The following RBMS3 variants were observed in gnomAD, a reference collection of about 807,000 sequenced individuals.
The protein encoded by RBMS3 is RNA binding motif single stranded interacting protein 3, also known as RNA-binding motif, single-stranded-interacting protein 3.
RBMS3 carries 27 observed loss-of-function variants against 66.8 expected under a neutral mutation model. The observed-to-expected ratio is 0.40, with a 90% CI of 0.30 to 0.56. The LOEUF is 0.56. Among genes scored for constraint, RBMS3 ranks in the 20% least tolerant of loss-of-function variants. RBMS3 has a pLI of 0.40. For missense variants in RBMS3, 513 were observed against 549.5 expected, an observed-to-expected ratio of 0.93 and a Z score of 0.66; for synonymous variants, 188 against 183.0, an observed-to-expected ratio of 1.03 and a Z score of -0.22.
intron 12 of RBMS3, among the ~76,000 whole-genome samples, chr3:29,983,033 T>C (rs1425887473): frequency 6.6e-6 from 1 of 152,160 alleles, no homozygotes; most frequent in Non-Finnish European, 1.5e-5. Flanking sequence ...TATTATGGTG[T>C]GGGAGTCTAA....
chr3:29,685,127 C>T (rs1457276491), intron 4 of RBMS3, among the ~76,000 whole-genome samples: 12 of 152,058 alleles, frequency 7.9e-5, no homozygotes, highest in Non-Finnish European at 1.6e-4. Flanking sequence ...GGCGCGATCT[C>T]GGCTCACTGC....
chr3:29,732,628 C>T (rs867734392), intron 4 of RBMS3, among the ~76,000 whole-genome samples: 6 of 152,070 alleles, frequency 3.9e-5, no homozygotes, highest in South Asian at 2.1e-4. Context: ...CATCTTTGTT[C>T]GAATTAGTGT....
intron 2 of RBMS3, among the ~76,000 whole-genome samples, chr3:29,466,089 A>G (rs572282802): frequency 1.3e-5 from 2 of 152,144 alleles, no homozygotes; most frequent in Non-Finnish European, 2.9e-5. Context: ...TCAAAATTCA[A>G]TATGAATGCC....
At chr3:30,001,464 A>C (rs1247298751) in intron 14 of RBMS3, among the ~76,000 whole-genome samples, 1 of 152,012 alleles carries the variant, frequency 6.6e-6, no homozygotes, top group Non-Finnish European at 1.5e-5. Context: ...TCTTAAATTC[A>C]GTGAAATTCC....
intron 2 of RBMS3, among the ~76,000 whole-genome samples, chr3:29,461,440 C>A (rs1196860369): frequency 6.6e-6 from 1 of 152,194 alleles, no homozygotes; most frequent in Non-Finnish European, 1.5e-5. Context: ...GTTCAGACAA[C>A]AAAAACAAAG....
chr3:29,326,733 C>CTTTTTTTT (rs56162153), intron 1 of RBMS3, among the ~76,000 whole-genome samples: 2 of 133,796 alleles, frequency 1.5e-5, no homozygotes, highest in Non-Finnish European at 3.2e-5. Context: ...TACTGGCATC[C>CTTTTTTTT]TTTTTTTTTT....
intron 6 of RBMS3, among the ~76,000 whole-genome samples, chr3:29,829,877 T>TC: frequency 6.6e-6 from 1 of 152,154 alleles, no homozygotes; most frequent in Non-Finnish European, 1.5e-5. Flanking sequence ...GCAGTCCCAT[T>TC]TCTCATGCAT....
At chr3:29,635,102 T>C (rs2049426757) in intron 4 of RBMS3, among the ~76,000 whole-genome samples, 1 of 151,978 alleles carries the variant, frequency 6.6e-6, no homozygotes, top group Non-Finnish European at 1.5e-5. Flanking sequence ...CAGAGGTTTC[T>C]GCATTCACTA....
At chr3:29,327,799 T>A (rs1452341133) in intron 1 of RBMS3, among the ~76,000 whole-genome samples, 1 of 152,158 alleles carries the variant, frequency 6.6e-6, no homozygotes, top group African/African-American at 2.4e-5. Context: ...TAGGTCCTAA[T>A]AAAAGCTTGT....
chr3:29,961,560 A>G (rs1161078786), intron 12 of RBMS3, among the ~76,000 whole-genome samples: 1 of 152,162 alleles, frequency 6.6e-6, no homozygotes, highest in Non-Finnish European at 1.5e-5. Flanking sequence ...TTATAAAGGA[A>G]AAAGGTTTAA....
At chr3:29,413,483 G>A (rs1312540602) in intron 1 of RBMS3, among the ~76,000 whole-genome samples, 1 of 152,064 alleles carries the variant, frequency 6.6e-6, no homozygotes, top group Non-Finnish European at 1.5e-5. Flanking sequence ...AGGAATACCA[G>A]ATAATGATGT....
rs918725639 is a variant in RBMS3, at chr3:30,007,571, G to A, written c.*3709G>A. 9 of 152,052 alleles carry A rather than the reference G, an allele frequency of 5.9e-5. No homozygotes were observed. The highest frequency in any genetic ancestry group is 1.9e-4 in the African/African-American group (8 of 41,430). 9.4% of individuals were successfully genotyped at this position (152,052 alleles called of 1,614,324 possible). A position where few individuals can be genotyped will look rare whatever the true frequency, so the allele number is the denominator to read the frequency against. On this transcript the variant is annotated 3_prime_UTR_variant, in exon 15 of 15. Transcript: ENST00000383767. ...ATGGTATTGTCAAGGGAGGCAAAGT[G>A]TTCATGGTAACTTGGAGCTCCCCAA...
At chr3:29,558,307 GA>G (rs2046428378) in intron 3 of RBMS3, among the ~76,000 whole-genome samples, 1 of 151,852 alleles carries the variant, frequency 6.6e-6, no homozygotes, top group South Asian at 2.1e-4. Flanking sequence ...TGCAATTGAA[GA>G]AAACTGTCCT....
chr3:29,860,043 C>G (rs1222820819), intron 6 of RBMS3, among the ~76,000 whole-genome samples: 3 of 152,168 alleles, frequency 2.0e-5, no homozygotes, highest in African/African-American at 7.2e-5. Flanking sequence ...ATATGACAAA[C>G]AAAATAGTGT....
At chr3:29,454,224 C>T (rs1039854445) in intron 2 of RBMS3, among the ~76,000 whole-genome samples, 1 of 152,186 alleles carries the variant, frequency 6.6e-6, no homozygotes, top group African/African-American at 2.4e-5. Flanking sequence ...AAGTTTGCTG[C>T]AGCTGCTGAT....
chr3:29,751,454 A>G (rs2055178004), intron 5 of RBMS3, among the ~76,000 whole-genome samples: 1 of 152,178 alleles, frequency 6.6e-6, no homozygotes, highest in Non-Finnish European at 1.5e-5. Flanking sequence ...TGTGCTTTTG[A>G]TATTAATGCT....
intron 1 of RBMS3, among the ~76,000 whole-genome samples, chr3:29,381,794 T>C (rs1452045430): frequency 6.6e-6 from 1 of 152,202 alleles, no homozygotes; most frequent in Non-Finnish European, 1.5e-5. Flanking sequence ...GTGGAAGTGC[T>C]GAGTTCATTT....
At chr3:29,795,572 C>T (rs2057156864) in intron 6 of RBMS3, among the ~76,000 whole-genome samples, 1 of 152,152 alleles carries the variant, frequency 6.6e-6, no homozygotes, top group Admixed American at 6.5e-5. Flanking sequence ...AACTGTATAT[C>T]ACACATAAGC....
intron 4 of RBMS3, among the ~76,000 whole-genome samples, chr3:29,721,928 C>T (rs571319538): frequency 6.6e-6 from 1 of 152,216 alleles, no homozygotes. Context: ...TTAGTGGAGA[C>T]CATGAGCGAG....
Sources: gnomAD v4.1 joint callset for allele counts (sites outside exome capture counted in the v4.1 genomes callset) on GRCh38, gnomAD v4.1.1 for gene constraint, MANE v1.5 for transcripts, NCBI Gene and HGNC (gene_info 2026-07-23, HGNC 2026-07-21) for gene names.